Variants in OR6N1 observed in about 807,000 individuals in gnomAD.
OR6N1 encodes olfactory receptor 6N1.
For synonymous variants in OR6N1, 170 were observed against 150.7 expected (o/e 1.13, Z -0.94); for missense variants, 394 against 371.7 (o/e 1.06, Z -0.49).
At chr1:158,823,304 A>G in the OR6N1 span, among the ~76,000 whole-genome samples, 2 of 152,000 alleles carry the variant, frequency 1.3e-5, no homozygotes, top group Non-Finnish European at 2.9e-5. Context: ...TTCTTTATAT[A>G]TCTGGCAGAA....
At chr1:158,813,875 T>A in the OR6N1 span, among the ~76,000 whole-genome samples, 28 of 151,918 alleles carry the variant, frequency 1.8e-4, no homozygotes, top group African/African-American at 5.1e-4. Flanking sequence ...TTATTTTGTT[T>A]TTTTGGTAGA....
the OR6N1 span, among the ~76,000 whole-genome samples, chr1:158,830,697 C>G: frequency 6.6e-6 from 1 of 152,122 alleles, no homozygotes; most frequent in African/African-American, 2.4e-5. Flanking sequence ...ATGATATGAA[C>G]CAACTATCCA....
chr1:158,769,455 T>C (rs539178685), intron 1 of OR6N1, among the ~76,000 whole-genome samples: 1 of 152,190 alleles, frequency 6.6e-6, no homozygotes, highest in Admixed American at 6.5e-5. Context: ...TAAGTCACCA[T>C]GCTTTGCCAG....
the OR6N1 span, among the ~76,000 whole-genome samples, chr1:158,829,724 A>G: frequency 7.2e-5 from 11 of 152,186 alleles, no homozygotes; most frequent in African/African-American, 2.2e-4. Context: ...CCTGGTACCA[A>G]TTTACTTTAT....
the OR6N1 span, among the ~76,000 whole-genome samples, chr1:158,800,073 CTTAA>C: frequency 6.6e-6 from 1 of 152,056 alleles, no homozygotes. Context: ...GCCATGTAAC[CTTAA>C]TTAATTAAGT....
At chr1:158,836,322 T>G in the OR6N1 span, among the ~76,000 whole-genome samples, 660 of 152,136 alleles carry the variant, frequency 4.3e-3, 3 homozygotes, top group African/African-American at 0.015. Flanking sequence ...CTTTATATAT[T>G]TGGTAGAATT....
the OR6N1 span, among the ~76,000 whole-genome samples, chr1:158,791,803 T>C: frequency 1.3e-5 from 2 of 152,210 alleles, no homozygotes; most frequent in Non-Finnish European, 2.9e-5. Context: ...AGACTTCTTT[T>C]CTGGCCTATC....
At chr1:158,813,119 C>T in the OR6N1 span, among the ~76,000 whole-genome samples, 6 of 152,142 alleles carry the variant, frequency 3.9e-5, no homozygotes, top group Non-Finnish European at 8.8e-5. Context: ...CAAAAACATA[C>T]ATTGTTGGAG....
rs750291615 is a variant in OR6N1, at chr1:158,766,454, T to A, written c.229A>T (p.Thr77Ser). The A allele has an allele frequency of 1.9e-6, 3 of 1,614,110 alleles. No individual in the cohort carries two copies. Among genetic ancestry groups the A allele is most frequent in the Non-Finnish European group, 2.5e-6 (3 of 1,180,012 alleles). Residue 77 changes from threonine (T) to serine (S), a missense_variant, in exon 2 of 2, where the codon ACC (threonine) becomes TCC (serine). Physicochemically the swap from Thr to Ser is moderately conservative, Grantham distance 58. Transcript: ENST00000641846. ...SFSELGYTAA[T>S]IPKMLANLLS... Reference sequence around the variant, plus strand: ...AAGTTTGCCAGCATCTTAGGGATGGTGGCAGCTGTATAGCCAAGCTCTGAG... The same window carrying A: ...AAGTTTGCCAGCATCTTAGGGATGGAGGCAGCTGTATAGCCAAGCTCTGAG...
At chr1:158,807,277 A>T in the OR6N1 span, among the ~76,000 whole-genome samples, 1 of 152,236 alleles carries the variant, frequency 6.6e-6, no homozygotes, top group African/African-American at 2.4e-5. Context: ...TAAAAACATG[A>T]AGGCAGCTGT....
chr1:158,796,668 C>T, the OR6N1 span, among the ~76,000 whole-genome samples: 5 of 151,976 alleles, frequency 3.3e-5, no homozygotes, highest in African/African-American at 9.7e-5. Flanking sequence ...ATTAAAACTT[C>T]TCTTTATTCT....
chr1:158,820,280 C>T, the OR6N1 span, among the ~76,000 whole-genome samples: 1 of 152,226 alleles, frequency 6.6e-6, no homozygotes, highest in Non-Finnish European at 1.5e-5. Flanking sequence ...GAGCATGTCA[C>T]AGTGCTGCAG....
the OR6N1 span, among the ~76,000 whole-genome samples, chr1:158,840,326 G>A: frequency 2.6e-5 from 4 of 152,126 alleles, no homozygotes; most frequent in Non-Finnish European, 5.9e-5. Flanking sequence ...GTTCCGCACG[G>A]CTGGGGAGTC....
chr1:158,803,221 G>A, the OR6N1 span, among the ~76,000 whole-genome samples: 1 of 152,170 alleles, frequency 6.6e-6, no homozygotes, highest in African/African-American at 2.4e-5. Flanking sequence ...TGAGCCAAAG[G>A]AAAGGAAGAT....
chr1:158,792,071 G>A, the OR6N1 span, among the ~76,000 whole-genome samples: 1 of 152,110 alleles, frequency 6.6e-6, no homozygotes, highest in Non-Finnish European at 1.5e-5. Flanking sequence ...TAAATCTGGG[G>A]ACTCCAGAGT....
chr1:158,777,301 C>A, the OR6N1 span: 1 of 1,614,106 alleles, frequency 6.2e-7, no homozygotes, highest in Admixed American at 1.7e-5. Flanking sequence ...AAGAAGGTAG[C>A]ATTCAGACGC....
chr1:158,830,420 C>T, the OR6N1 span, among the ~76,000 whole-genome samples: 1 of 152,180 alleles, frequency 6.6e-6, no homozygotes. Context: ...TTATTCTTCT[C>T]TGTAGATGGC....
the OR6N1 span, chr1:158,777,241 T>C: frequency 1.2e-6 from 2 of 1,613,772 alleles, no homozygotes; most frequent in East Asian, 2.2e-5. Flanking sequence ...AATTATAGGG[T>C]AGTGGAGGGG....
chr1:158,774,643 A>C (rs1220908454), upstream of OR6N1: 2 of 152,226 alleles, frequency 1.3e-5, no homozygotes, highest in African/African-American at 2.4e-5. Context: ...ATGTTTACGC[A>C]TAACCATATC....
Sources: allele counts gnomAD v4.1 joint callset (sites outside exome capture counted in the v4.1 genomes callset), GRCh38; gene constraint gnomAD v4.1.1; transcripts MANE v1.5; gene names NCBI Gene and HGNC (gene_info 2026-07-23, HGNC 2026-07-21).